GALNT14: variants seen among roughly 807,000 people sequenced by gnomAD.
The protein encoded by GALNT14 is polypeptide N-acetylgalactosaminyltransferase 14, also known as UDP-GalNAc:polypeptide N-acetylgalactosaminyltransferase 14.
GALNT14 carries 60 observed loss-of-function variants against 77.5 expected under a neutral mutation model. The observed-to-expected ratio is 0.77, with a 90% CI of 0.63 to 0.96. The LOEUF (loss-of-function observed/expected upper bound fraction) is 0.96. Among genes scored for constraint, GALNT14 ranks in the 40% least tolerant of loss-of-function variants. The pLI is 0.00. For synonymous variants in GALNT14, 280 were observed against 281.7 expected, an observed-to-expected ratio of 0.99 and a Z score of 0.06; for missense variants, 710 against 731.0, an observed-to-expected ratio of 0.97 and a Z score of 0.33.
chr2:30,888,457 G>A, the GALNT14 span, among the ~76,000 whole-genome samples: 1 of 152,192 alleles, frequency 6.6e-6, no homozygotes, highest in Non-Finnish European at 1.5e-5. Flanking sequence ...ATGTGGCAGT[G>A]AAGATAGTTA....
intron 1 of GALNT14, among the ~76,000 whole-genome samples, chr2:31,021,294 CT>C (rs1671699513): frequency 1.3e-5 from 2 of 151,904 alleles, no homozygotes. Context: ...GCTGTTTTTT[CT>C]TTTCTTTTTT....
At chr2:30,958,341 A>T in intron 4 of GALNT14, 56 bp downstream of exon 4, 1 of 1,471,638 alleles carries the variant, frequency 6.8e-7, no homozygotes, top group Non-Finnish European at 9.5e-7. Context: ...TGCCTGTTAC[A>T]GAGTGGCTGG....
chr2:31,101,117 G>C (rs1677253955), intron 1 of GALNT14, among the ~76,000 whole-genome samples: 1 of 151,968 alleles, frequency 6.6e-6, no homozygotes, highest in African/African-American at 2.4e-5. Flanking sequence ...AAGCTTTCTT[G>C]AGTGTATTTT....
At chr2:31,052,423 G>A (rs4952043) in intron 1 of GALNT14, among the ~76,000 whole-genome samples, 48,129 of 152,122 alleles carry the variant, frequency 0.32, 8,469 homozygotes, top group Admixed American at 0.46. Flanking sequence ...AAACAACAGA[G>A]TGAGAAGCTG....
chr2:31,001,096 T>G (rs1670341325), intron 1 of GALNT14, among the ~76,000 whole-genome samples: 1 of 152,124 alleles, frequency 6.6e-6, no homozygotes, highest in East Asian at 1.9e-4. Context: ...GCCCTGGAGT[T>G]CTCGTCTCCA....
At position 30,993,016 on chromosome 2, in the gene GALNT14, C is replaced by T. The variant is rs758998830; in HGVS notation, c.130-9G>A. 2 of 1,613,484 alleles carry T rather than the reference C, an allele frequency of 1.2e-6. No individual in the cohort carries two copies. The highest frequency in any genetic ancestry group is 1.1e-5 in the South Asian group (1 of 90,998). On this transcript the variant is annotated splice_polypyrimidine_tract_variant and intron_variant, in intron 1 of 14. Transcript: ENST00000349752. ...CAGTCAGCGTCCGAAGGCTGCGTGA[C>T]ACGAATGGGAAGTCTGTGAGAACGG... is the stretch of plus-strand genomic sequence containing the variant.
At chr2:31,051,622 C>T (rs1673873747) in intron 1 of GALNT14, among the ~76,000 whole-genome samples, 1 of 152,064 alleles carries the variant, frequency 6.6e-6, no homozygotes, top group Non-Finnish European at 1.5e-5. Context: ...ATCAGTCCAG[C>T]TCTCTCTCTC....
At chr2:30,972,638 C>T (rs1212990408) in intron 2 of GALNT14, among the ~76,000 whole-genome samples, 4 of 152,214 alleles carry the variant, frequency 2.6e-5, no homozygotes, top group African/African-American at 4.8e-5. Context: ...CCAGCGTCCT[C>T]GTCACATGTT....
intron 3 of GALNT14, among the ~76,000 whole-genome samples, chr2:30,959,995 C>T (rs1466045405): frequency 6.6e-6 from 1 of 152,228 alleles, no homozygotes; most frequent in Non-Finnish European, 1.5e-5. Context: ...AGCACTACCC[C>T]TTCTATGCAG....
At chr2:30,918,663 GGGCA>G (rs1664839502) in intron 13 of GALNT14, among the ~76,000 whole-genome samples, 2 of 121,762 alleles carry the variant, frequency 1.6e-5, no homozygotes, top group South Asian at 2.5e-4. Flanking sequence ...GGATGGCATC[GGGCA>G]GGGAGGGTGG....
intron 1 of GALNT14, among the ~76,000 whole-genome samples, chr2:31,050,160 A>G (rs1302736612): frequency 6.6e-6 from 1 of 152,112 alleles, no homozygotes; most frequent in Non-Finnish European, 1.5e-5. Context: ...CAGCATGACT[A>G]CTCCTTAAGT....
chr2:30,930,296 T>A (rs1359401937), intron 10 of GALNT14, among the ~76,000 whole-genome samples: 1 of 152,188 alleles, frequency 6.6e-6, no homozygotes, highest in Non-Finnish European at 1.5e-5. Flanking sequence ...ACAGTGGAAG[T>A]ACTCAGGTCC....
chr2:30,931,332 G>C (rs1193842402), intron 10 of GALNT14, among the ~76,000 whole-genome samples: 1 of 152,218 alleles, frequency 6.6e-6, no homozygotes, highest in African/African-American at 2.4e-5. Context: ...ACAAGAGATA[G>C]AGGGTGGGGG....
chr2:31,124,378 C>T (rs1245728028), intron 1 of GALNT14, among the ~76,000 whole-genome samples: 1 of 152,152 alleles, frequency 6.6e-6, no homozygotes, highest in African/African-American at 2.4e-5. Context: ...AGAAGAGAAT[C>T]TTTACAGGGA....
At chr2:30,889,307 C>A in the GALNT14 span, among the ~76,000 whole-genome samples, 2 of 152,176 alleles carry the variant, frequency 1.3e-5, no homozygotes, top group African/African-American at 4.8e-5. Context: ...AACTGAATAG[C>A]AGGACTGCGG....
chr2:31,026,893 T>A (rs1324589004), intron 1 of GALNT14, among the ~76,000 whole-genome samples: 1 of 151,896 alleles, frequency 6.6e-6, no homozygotes, highest in East Asian at 2.0e-4. Context: ...ACCTAAGGTA[T>A]GAAATGTATA....
intron 1 of GALNT14, among the ~76,000 whole-genome samples, chr2:31,110,676 G>T (rs1397221634): frequency 6.6e-6 from 1 of 152,168 alleles, no homozygotes; most frequent in Non-Finnish European, 1.5e-5. Flanking sequence ...GGCAAGCCAT[G>T]CCTGCCCTGT....
chr2:31,081,786 G>A (rs1184423725), intron 1 of GALNT14, among the ~76,000 whole-genome samples: 2 of 152,050 alleles, frequency 1.3e-5, no homozygotes, highest in African/African-American at 4.8e-5. Flanking sequence ...TGAAGACTGT[G>A]CATTAAAATT....
chr2:31,132,543 G>A, intron 1 of GALNT14: 1 of 352,844 alleles, frequency 2.8e-6, no homozygotes, highest in East Asian at 7.9e-5. Context: ...CTCATCATGG[G>A]CTACTTCTGG....
Sources: gnomAD v4.1 joint callset for allele counts (sites outside exome capture counted in the v4.1 genomes callset) on GRCh38, gnomAD v4.1.1 for gene constraint, MANE v1.5 for transcripts, NCBI Gene and HGNC (gene_info 2026-07-23, HGNC 2026-07-21) for gene names.